Variants in ITPRID1 observed in about 807,000 individuals in gnomAD.
The protein encoded by ITPRID1 is protein ITPRID1.
A neutral mutation model predicts 95.4 loss-of-function variants in ITPRID1; 96 were observed. That is an observed-to-expected ratio of 1.01 (90% confidence interval 0.85 to 1.19). The LOEUF (loss-of-function observed/expected upper bound fraction) is 1.19. ITPRID1 is among the 50% of genes most tolerant of loss of function. The pLI is 0.00. For synonymous variants in ITPRID1, 510 were observed against 453.6 expected (o/e 1.12, Z -1.58); for missense variants, 1,339 against 1,252.9 (o/e 1.07, Z -1.04).
chr7:31,577,967 G>A lies in ITPRID1; in HGVS notation c.703G>A (p.Gly235Arg). 1 of 1,613,718 alleles carries A rather than the reference G, an allele frequency of 6.2e-7. No individual in the cohort carries two copies. The highest frequency in any genetic ancestry group is 8.5e-7 in the Non-Finnish European group (1 of 1,179,778). Reference protein sequence around the residue: ...LPNRAEEKAGGESVQRTSVSA... With the variant: ...LPNRAEEKAGRESVQRTSVSA... ...AAACAGAGCTGAAGAGAAAGCTGGA[G>A]GAGAGAGTGTGCAAAGAACCTCAGT... Residue 235 changes from glycine (G) to arginine (R), a missense_variant, in exon 9 of 15, where the codon GGA (glycine) becomes AGA (arginine). Coordinates refer to ENST00000615280, the MANE Select transcript of ITPRID1 (RefSeq NM_001257967.3).
In ITPRID1 at chr7:31,578,490, C is replaced by A. The variant is rs550418475; in HGVS notation, c.1170+56C>A. On this transcript the variant is annotated intron_variant, in intron 9 of 14. Coordinates refer to ENST00000615280, the MANE Select transcript of ITPRID1 (RefSeq NM_001257967.3). ...AAGGGAAATAACCTTCACTATGACA[C>A]CCTTGTTTTCCAGCCCTCATTTCAC... is the stretch of plus-strand genomic sequence containing the variant. 1.1e-5 allele frequency: 14 copies of A among 1,300,282 alleles called. No individual in the cohort carries two copies. The African/African-American group carries it at 2.1e-4, about 19-fold the overall frequency. 80.5% of individuals were successfully genotyped at this position (1,300,282 alleles called of 1,614,324 possible). A position where few individuals can be genotyped will look rare whatever the true frequency, so the allele number is the denominator to read the frequency against.
chr7:31,634,557 T>A lies in ITPRID1; in HGVS notation c.1229-7619T>A, dbSNP rs111739318. ...TAGGAGAGTCAGAATCAGACTCCAG[T>A]AGAGCAGGCTTCAAATTTTCTAGAT... On this transcript the variant is annotated intron_variant, in intron 10 of 14. Transcript: ENST00000615280. 1.9e-3 allele frequency among the ~76,000 whole-genome samples: 290 copies of A among 152,222 alleles called. 4 individuals are homozygous for A. The highest frequency in any genetic ancestry group is 6.6e-3 in the African/African-American group (274 of 41,538).
At position 31,607,943 on chromosome 7, in the gene ITPRID1, T is replaced by C. The variant is rs1433018808; in HGVS notation, c.1228+24752T>C. On this transcript the variant is annotated intron_variant, in intron 10 of 14. Coordinates refer to ENST00000615280, the MANE Select transcript of ITPRID1 (RefSeq NM_001257967.3). ...TATGTTCTCAGAATGTTTTCTCCCATAGCATCCTATTTTTTTTTGTCATGG... is the reference window on the plus strand; with the variant it reads ...TATGTTCTCAGAATGTTTTCTCCCACAGCATCCTATTTTTTTTTGTCATGG... 3.3e-5 allele frequency among the ~76,000 whole-genome samples: 5 copies of C among 152,160 alleles called. No homozygotes were observed. In the South Asian group the frequency reaches 8.3e-4, roughly 25 times the overall value.
At chr7:31,515,776 G>A (rs937923514) in intron 1 of ITPRID1, among the ~76,000 whole-genome samples, 167 of 152,210 alleles carry the variant, frequency 1.1e-3, no homozygotes, top group African/African-American at 3.7e-3. Flanking sequence ...TTTGCAATGA[G>A]CCAAAATGAT....
At position 31,643,534 on chromosome 7, in the gene ITPRID1, A is replaced by G. The variant is rs777388014; in HGVS notation, c.2164A>G (p.Arg722Gly). The G allele has an allele frequency of 6.2e-7, 1 of 1,614,022 alleles. No individual in the cohort carries two copies. Among genetic ancestry groups the G allele is most frequent in the Admixed American group, 1.7e-5 (1 of 60,024 alleles). ...CTCCAGCCTGGTGTCGGCTGCTCAGAGGGCTGTGGCCTTGGGGACTGGTCC... is the reference window on the plus strand; with the variant it reads ...CTCCAGCCTGGTGTCGGCTGCTCAGGGGGCTGTGGCCTTGGGGACTGGTCC... ...MSSSLVSAAQ[R>G]AVALGTGPRG... The change falls in exon 12 of 15, where the codon AGG (arginine) becomes GGG (glycine). Residue 722 changes from arginine to glycine, a missense_variant. Physicochemically the swap from Arg to Gly is moderately radical, Grantham distance 125. Coordinates refer to ENST00000615280, the MANE Select transcript of ITPRID1 (RefSeq NM_001257967.3).
At chr7:31,531,017 C>T (rs961964724) in intron 1 of ITPRID1, among the ~76,000 whole-genome samples, 9 of 152,220 alleles carry the variant, frequency 5.9e-5, no homozygotes, top group African/African-American at 1.7e-4. Flanking sequence ...GGGGCTGCCT[C>T]TGGAGTAGGT....
In ITPRID1 at chr7:31,651,977, T is replaced by A. The variant is rs1319831784; in HGVS notation, c.2750T>A (p.Leu917Gln). Residue 917 changes from leucine (L) to glutamine (Q), a missense_variant, in exon 14 of 15, where the codon CTG (leucine) becomes CAG (glutamine). Leu to Gln is a moderately radical substitution (Grantham distance 113). Transcript: ENST00000615280. ...CAACTGCAAACGTTACGTGAGGCCC[T>A]GAGGCAGCAGGTGGCAGAGTTGGAA... is the stretch of plus-strand genomic sequence containing the variant. The part of the protein sequence containing the change: ...AEQLQTLREA[L>Q]RQQVAELEFQ... 2 of 1,605,036 alleles carry A rather than the reference T, an allele frequency of 1.2e-6. No homozygotes were observed. Among genetic ancestry groups the A allele is most frequent in the Non-Finnish European group, 1.7e-6 (2 of 1,175,984 alleles).
chr7:31,595,341 G>A (rs945381902), intron 10 of ITPRID1, among the ~76,000 whole-genome samples: 6 of 60,384 alleles, frequency 9.9e-5, no homozygotes, highest in Admixed American at 2.1e-4. Context: ...CACCATGCCC[G>A]GCCTACACAC....
At chr7:31,519,632 A>C (rs28465586) in intron 1 of ITPRID1, among the ~76,000 whole-genome samples, 21 of 117,598 alleles carry the variant, frequency 1.8e-4, no homozygotes, top group South Asian at 6.0e-4. Context: ...ATATATATAT[A>C]TATATATATA....
chr7:31,622,747 TAACTA>T (rs2128181024), intron 10 of ITPRID1, among the ~76,000 whole-genome samples: 1 of 151,688 alleles, frequency 6.6e-6, no homozygotes, highest in South Asian at 2.1e-4. Context: ...AGGCAAGAAA[TAACTA>T]AAATCAGAGC....
At chr7:31,631,100 C>A (rs1788950022) in intron 10 of ITPRID1, among the ~76,000 whole-genome samples, 1 of 152,060 alleles carries the variant, frequency 6.6e-6, no homozygotes. Flanking sequence ...TTAAGGTATA[C>A]CATTGTCAGC....
At chr7:31,519,623 T>TCTCTCTCTCTCC (rs1293362085) in intron 1 of ITPRID1, among the ~76,000 whole-genome samples, 2 of 86,642 alleles carry the variant, frequency 2.3e-5, no homozygotes, top group Non-Finnish European at 4.6e-5. Context: ...TCTCTCTCTA[T>TCTCTCTCTCTCC]ATATATATAT....
chr7:31,614,844 A>C (rs1787054767), intron 10 of ITPRID1, among the ~76,000 whole-genome samples: 1 of 152,112 alleles, frequency 6.6e-6, no homozygotes, highest in African/African-American at 2.4e-5. Context: ...GCCACTGAGG[A>C]AAACTCCTGA....
chr7:31,619,638 G>T (rs143255383), intron 10 of ITPRID1, among the ~76,000 whole-genome samples: 1 of 152,002 alleles, frequency 6.6e-6, no homozygotes, highest in Non-Finnish European at 1.5e-5. Flanking sequence ...CAAGATGGCC[G>T]AATAGGAACA....
intron 10 of ITPRID1, among the ~76,000 whole-genome samples, chr7:31,590,516 G>C (rs943583425): frequency 6.6e-6 from 1 of 152,148 alleles, no homozygotes; most frequent in African/African-American, 2.4e-5. Context: ...GTCAATATGT[G>C]GCAAGCATAT....
At chr7:31,544,699 ATTGT>A (rs145733261) in intron 1 of ITPRID1, among the ~76,000 whole-genome samples, 9 of 152,262 alleles carry the variant, frequency 5.9e-5, no homozygotes, top group Non-Finnish European at 1.0e-4. Flanking sequence ...TCCTCCAAAG[ATTGT>A]TTGTACACAG....
intron 9 of ITPRID1, among the ~76,000 whole-genome samples, chr7:31,580,950 C>A (rs371958914): frequency 2.0e-5 from 3 of 152,082 alleles, no homozygotes; most frequent in African/African-American, 7.2e-5. Context: ...ATAAAAAGTG[C>A]ATATAAAATA....
At chr7:31,552,345 GGTCTT>G in intron 2 of ITPRID1, among the ~76,000 whole-genome samples, 2 of 102,558 alleles carry the variant, frequency 2.0e-5, no homozygotes, top group Non-Finnish European at 4.9e-5. Context: ...TAATCTCTCT[GGTCTT>G]CAATTTACCA....
In ITPRID1 at chr7:31,552,992, G is replaced by A. The variant is rs1784332239; in HGVS notation, c.-23-10G>A. 3 of 1,596,556 alleles carry A rather than the reference G, an allele frequency of 1.9e-6. No homozygotes were observed. The highest frequency in any genetic ancestry group is 2.6e-6 in the Non-Finnish European group (3 of 1,171,522). Reference sequence around the variant, plus strand: ...TCGTGTCTGATTTGTTTGTGTGTGTGTGTTTTAAGTTAGTTTGCAGAATTA... The same window carrying A: ...TCGTGTCTGATTTGTTTGTGTGTGTATGTTTTAAGTTAGTTTGCAGAATTA... On this transcript the variant is annotated splice_polypyrimidine_tract_variant and intron_variant, in intron 2 of 14. Transcript: ENST00000615280.
Sources: gnomAD v4.1 joint callset for allele counts (sites outside exome capture counted in the v4.1 genomes callset) on GRCh38, gnomAD v4.1.1 for gene constraint, MANE v1.5 for transcripts, NCBI Gene and HGNC (gene_info 2026-07-23, HGNC 2026-07-21) for gene names.